MYT1: variants seen among roughly 807,000 people sequenced by gnomAD.
MYT1 encodes the protein myelin transcription factor I.
A neutral mutation model predicts 123.0 loss-of-function variants in MYT1; 23 were observed. The observed-to-expected ratio is 0.19, with a 90% CI of 0.13 to 0.26. The LOEUF is 0.26. Among genes scored for constraint, MYT1 ranks in the 10% least tolerant of loss-of-function variants. The pLI is 1.00. For missense variants in MYT1, 1,125 were observed against 1,472.5 expected, an observed-to-expected ratio of 0.76 and a Z score of 3.86; for synonymous variants, 518 against 575.3, an observed-to-expected ratio of 0.90 and a Z score of 1.43.
chr20:64,205,705 A>C lies in MYT1; in HGVS notation c.302A>C (p.Asp101Ala). 1.9e-6 allele frequency: 3 copies of C among 1,614,198 alleles called. No individual in the cohort carries two copies. Among genetic ancestry groups the C allele is most frequent in the Non-Finnish European group, 2.5e-6 (3 of 1,180,026 alleles). The change falls in exon 6 of 23, where the codon GAC becomes GCC. Residue 101 changes from aspartate to alanine, a missense_variant. Transcript: ENST00000328439. Reference protein sequence around the residue: ...SDGSEDTEVKDASVSDESEGT... With the variant: ...SDGSEDTEVKAASVSDESEGT... Reference sequence around the variant, plus strand: ...GGCAGTGAGGACACTGAGGTGAAGGACGCCTCTGTTTCGGATGAATCGGAA... The same window carrying C: ...GGCAGTGAGGACACTGAGGTGAAGGCCGCCTCTGTTTCGGATGAATCGGAA...
In MYT1 at chr20:64,193,899, A is replaced by C. The variant is rs1983033174; in HGVS notation, c.-1+3739A>C. The stretch of plus-strand genomic sequence containing the variant: ...TGGCTGTCAGAACACATTTTAAATA[A>C]AATAAAACACTACCGTGTCTCCTTC... On this transcript the variant is annotated intron_variant, in intron 2 of 22. Coordinates refer to ENST00000328439, the MANE Select transcript of MYT1 (RefSeq NM_004535.3). The surrounding 1 kb of genome is among the most constrained non-coding windows in gnomAD (Gnocchi z 4.0). Among the ~76,000 whole-genome samples, 1 of 152,102 alleles carries C rather than the reference A, an allele frequency of 6.6e-6. No individual in the cohort carries two copies. Among genetic ancestry groups the C allele is most frequent in the African/African-American group, 2.4e-5 (1 of 41,400 alleles).
intron 19 of MYT1, among the ~76,000 whole-genome samples, chr20:64,235,633 G>C (rs1391524589): frequency 6.9e-6 from 1 of 144,078 alleles, no homozygotes; most frequent in Non-Finnish European, 1.5e-5. Flanking sequence ...GGGTGACCCT[G>C]GGCTGGCCGT....
In MYT1 at chr20:64,207,648, C is replaced by T. The variant is rs781393773; in HGVS notation, c.452C>T (p.Ala151Val). The T allele has an allele frequency of 6.2e-7, 1 of 1,613,918 alleles. No homozygotes were observed. The highest frequency in any genetic ancestry group is 1.7e-5 in the Admixed American group (1 of 60,006). The change falls in exon 7 of 23, where the codon GCC becomes GTC. Residue 151 changes from alanine (A) to valine (V), a missense_variant. Transcript: ENST00000328439. ...TCCAACCCCATCGGCAGCGCCACTG[C>T]CTCCTCCAAGGGCAGCTACAGCAGC... ...FGSNPIGSAT[A>V]SSKGSYSSYQ...
intron 16 of MYT1, 54 bp downstream of exon 16, chr20:64,223,413 C>A: frequency 6.3e-7 from 1 of 1,593,012 alleles, no homozygotes; most frequent in Non-Finnish European, 8.6e-7. Context: ...TCGCTTTGCT[C>A]TCCTTCCATG....
Position 64,207,902 on chromosome 20 carries a change from T to C in MYT1, c.706T>C (p.Cys236Arg), listed in dbSNP as rs373031098. ...CACCACCGAGCGCTCCCAGGACCTG[T>C]GTCCCCAGTCCCTGGAGGATGCAGC... ...EVTTERSQDL[C>R]PQSLEDAASE... Residue 236 changes from cysteine to arginine, a missense_variant, in exon 7 of 23, where the codon TGT (cysteine) becomes CGT (arginine). By Grantham distance (180) the Cys-to-Arg change is radical (BLOSUM62 -3). This residue lies in a region of MYT1 where 406 missense variants were observed against 432.2 expected (regional missense o/e 0.94). Transcript: ENST00000328439. 90 of 1,611,568 alleles carry C rather than the reference T, an allele frequency of 5.6e-5. No individual in the cohort carries two copies. Among genetic ancestry groups the C allele is most frequent in the Non-Finnish European group, 7.4e-5 (87 of 1,179,332 alleles).
At chr20:64,217,973 T>C (rs980381537) in intron 11 of MYT1, among the ~76,000 whole-genome samples, 44 of 152,390 alleles carry the variant, frequency 2.9e-4, no homozygotes, top group African/African-American at 1.0e-3. Context: ...TGGAAAAGCA[T>C]TCAGTGTACA....
intron 18 of MYT1, chr20:64,228,179 C>G: frequency 1.7e-6 from 1 of 578,814 alleles, no homozygotes; most frequent in African/African-American, 1.9e-5. Flanking sequence ...CCCTGGATGT[C>G]GCGTGGAGGG....
rs965853039 is a variant in MYT1 at position 64,205,056 on chromosome 20, A to G, written c.108A>G (p.Thr36=). The G allele has an allele frequency of 1.2e-6, 2 of 1,614,026 alleles. No homozygotes were observed. The highest frequency in any genetic ancestry group is 1.7e-6 in the Non-Finnish European group (2 of 1,180,014). Residue 36 remains threonine, a synonymous_variant, in exon 5 of 23, where the codon ACA becomes ACG. Coordinates refer to ENST00000328439, the MANE Select transcript of MYT1 (RefSeq NM_004535.3). ...ADLSCPTPGC[T]GSGHVRGKYS... is the part of the protein sequence containing the mutation. ...TCAGCTGCCCCACCCCAGGATGCAC[A>G]GGCTCAGGGCACGTCCGGGGCAAGT...
chr20:64,236,025 C>G (rs868501287), intron 19 of MYT1, among the ~76,000 whole-genome samples: 2 of 94,538 alleles, frequency 2.1e-5, no homozygotes, highest in African/African-American at 5.6e-5. Flanking sequence ...CTGGGCTGGC[C>G]GCGGTGGGTG....
At chr20:64,201,638 C>T (rs1462532099) in intron 4 of MYT1, among the ~76,000 whole-genome samples, 13 of 152,230 alleles carry the variant, frequency 8.5e-5, no homozygotes, top group East Asian at 1.9e-4. Context: ...CCCCAGCCAT[C>T]GTGGGAGCAT....
intron 11 of MYT1, 23 bp downstream of exon 11, chr20:64,217,304 T>A (rs1282865379): frequency 4.3e-6 from 7 of 1,612,590 alleles, no homozygotes; most frequent in Non-Finnish European, 5.9e-6. Flanking sequence ...GAATTGTTCT[T>A]GTTTCTCTTC....
At position 64,202,025 on chromosome 20, in the gene MYT1, C is replaced by T. The variant is rs559481220; in HGVS notation, c.86+2103C>T. ...CGCGTGTCGGGAACCCCTCGCGTGTCGGGAACCCCCGCGTGTCGGGAACCT... is the reference window on the plus strand; with the variant it reads ...CGCGTGTCGGGAACCCCTCGCGTGTTGGGAACCCCCGCGTGTCGGGAACCT... On this transcript the variant is annotated intron_variant, in intron 4 of 22. Transcript: ENST00000328439. The surrounding 1 kb of genome is among the most constrained non-coding windows in gnomAD (Gnocchi z 5.0). Among the ~76,000 whole-genome samples the T allele has an allele frequency of 1.3e-4, 20 of 151,494 alleles. No individual in the cohort carries two copies. The East Asian group carries it at 3.1e-3, about 24-fold the overall frequency.
intron 1 of MYT1, among the ~76,000 whole-genome samples, chr20:64,172,264 G>A (rs976193583): frequency 2.0e-5 from 3 of 152,326 alleles, no homozygotes; most frequent in Non-Finnish European, 2.9e-5. Context: ...CCATCAGAGA[G>A]CAGCTGCCTG....
Position 64,196,262 on chromosome 20 carries a change from C to T in MYT1, c.1-2600C>T, listed in dbSNP as rs1983115982. The stretch of plus-strand genomic sequence containing the variant: ...CCCAGCTGTCATTGTGTGGTGGGGG[C>T]AGAAGGTCTGGGGGGCTGCCGTCCA... On this transcript the variant is annotated intron_variant, in intron 2 of 22. Coordinates refer to ENST00000328439, the MANE Select transcript of MYT1 (RefSeq NM_004535.3). This position sits in a 1 kb window ranked among gnomAD's most constrained non-coding sequence, Gnocchi z 4.3. Among the ~76,000 whole-genome samples, 1 of 152,094 alleles carries T rather than the reference C, an allele frequency of 6.6e-6. No homozygotes were observed. The highest frequency in any genetic ancestry group is 2.4e-5 in the African/African-American group (1 of 41,396).
intron 1 of MYT1, among the ~76,000 whole-genome samples, chr20:64,170,880 TATATAGAGAG>T (rs1376777615): frequency 5.1e-4 from 25 of 49,122 alleles, no homozygotes; most frequent in South Asian, 1.7e-3. Context: ...TATATATATA[TATATAGAGAG>T]AGAGAGAGAG....
Position 64,205,790 on chromosome 20 carries a change from G to A in MYT1, c.387G>A (p.Glu129=). 1 of 1,613,960 alleles carries A rather than the reference G, an allele frequency of 6.2e-7. No individual in the cohort carries two copies. The highest frequency in any genetic ancestry group is 8.5e-7 in the Non-Finnish European group (1 of 1,179,966). Residue 129 remains glutamate, a synonymous_variant, in exon 6 of 23, where the codon GAG becomes GAA. Transcript: ENST00000328439. ...TSGQDEIHRP[E]TAEGRSPVKS... is the part of the protein sequence containing the mutation. ...GACAGGACGAGATTCATCGCCCCGA[G>A]ACAGCTGAAGGTGCTTTGTCGCTCT...
chr20:64,177,587 C>A (rs1327026926), intron 1 of MYT1, among the ~76,000 whole-genome samples: 1 of 151,630 alleles, frequency 6.6e-6, no homozygotes, highest in African/African-American at 2.4e-5. Flanking sequence ...AAGAGGGCAC[C>A]CCTCTCCAGG....
At chr20:64,211,702 G>A (rs891741266) in intron 8 of MYT1, among the ~76,000 whole-genome samples, 1 of 152,226 alleles carries the variant, frequency 6.6e-6, no homozygotes, top group Admixed American at 6.5e-5. Flanking sequence ...GCAAATACTT[G>A]TTCTTATGTT....
rs34535059 is a variant in MYT1 at position 64,212,162 on chromosome 20, A to G, written c.1517+24A>G. 0.04 allele frequency: 46,752 copies of G among 1,156,026 alleles called. 2,496 individuals carry two copies. Among genetic ancestry groups the G allele is most frequent in the Middle Eastern group, 0.11 (512 of 4,634 alleles). 71.6% of individuals were successfully genotyped at this position (1,156,026 alleles called of 1,614,324 possible). ...AGGTACTTGGACTGAGCTGGGCCGT[A>G]GTGGGGGCCAGGGTGGGGGCCGTGG... On this transcript the variant is annotated intron_variant, in intron 9 of 22. Transcript: ENST00000328439. The surrounding 1 kb of genome is among the most constrained non-coding windows in gnomAD (Gnocchi z 6.8).
Sources: allele counts gnomAD v4.1 joint callset (sites outside exome capture counted in the v4.1 genomes callset), GRCh38; gene constraint gnomAD v4.1.1; regional missense constraint gnomAD v4.1.1; non-coding constraint Gnocchi (gnomAD v3.1); transcripts MANE v1.5; gene names NCBI Gene and HGNC (gene_info 2026-07-23, HGNC 2026-07-21).